The following FXR1 variants were observed in gnomAD, a reference collection of about 807,000 sequenced individuals.
FXR1 encodes RNA-binding protein FXR1.
Under a neutral mutation model 84.0 loss-of-function variants are expected in FXR1, and 15 were observed. The ratio of observed to expected loss-of-function variants is 0.18; its 90% CI spans 0.12 to 0.27. FXR1 has a LOEUF of 0.27. Ranked by LOEUF, FXR1 falls within the 10% of genes least tolerant of loss-of-function variation. The pLI is 1.00. For missense variants in FXR1, 480 were observed against 774.4 expected (o/e 0.62, Z 4.51); for synonymous variants, 245 against 250.7 (o/e 0.98, Z 0.21).
chr3:180,955,962 A>G (rs557328156), intron 9 of FXR1, among the ~76,000 whole-genome samples: 1 of 152,334 alleles, frequency 6.6e-6, no homozygotes, highest in South Asian at 2.1e-4. Context: ...CACTGGTGAA[A>G]TACTCAGGAG....
rs1219700118 is a variant in FXR1 at position 180,968,204 on chromosome 3, G to T, written c.1352G>T (p.Gly451Val). ...RPGGRGRSVS[G>V]GRGRGGPRGG... ...GGAGGAAGAGGCAGAAGTGTTTCAGGGGGTCGAGGTCGTGGTGGACCACGT... is the reference window on the plus strand; with the variant it reads ...GGAGGAAGAGGCAGAAGTGTTTCAGTGGGTCGAGGTCGTGGTGGACCACGT... The change falls in exon 14 of 17, where the codon GGG (glycine) becomes GTG (valine). Residue 451 changes from glycine (G) to valine (V), a missense_variant. Physicochemically the swap from Gly to Val is moderately radical, Grantham distance 109. Coordinates refer to ENST00000357559, the MANE Select transcript of FXR1 (RefSeq NM_005087.4). 6.2e-7 allele frequency: 1 copy of T among 1,613,834 alleles called. No homozygotes were observed. The highest frequency in any genetic ancestry group is 8.5e-7 in the Non-Finnish European group (1 of 1,179,842).
At chr3:180,931,806 T>TCG (rs1719945300) in intron 1 of FXR1, among the ~76,000 whole-genome samples, 2 of 143,716 alleles carry the variant, frequency 1.4e-5, no homozygotes, top group Non-Finnish European at 3.0e-5. Context: ...AGCAGCATGG[T>TCG]TATGGCTCAC....
chr3:180,926,502 A>ATTTTTTTT (rs200360717), intron 1 of FXR1, among the ~76,000 whole-genome samples: 2 of 48,958 alleles, frequency 4.1e-5, no homozygotes, highest in African/African-American at 1.9e-4. Flanking sequence ...ATATATATAT[A>ATTTTTTTT]TATATTTTTT....
In FXR1 at chr3:180,976,295, TGAA is replaced by T. The variant is rs763651740; in HGVS notation, c.*8_*10del. ...CAGTCCTGAATGGTGTTTCATAAAC[TGAA>T]GAAGTTCCTAGTTTACAGTTCTTTT... On this transcript the variant is annotated 3_prime_UTR_variant, in exon 17 of 17. Transcript: ENST00000357559. 6.4e-7 allele frequency: 1 copy of T among 1,570,668 alleles called. No homozygotes were observed. The highest frequency in any genetic ancestry group is 1.4e-5 in the African/African-American group (1 of 72,864).
At position 180,951,467 on chromosome 3, in the gene FXR1, A is replaced by G; in HGVS notation, c.800A>G (p.Glu267Gly). 6.2e-7 allele frequency: 1 copy of G among 1,604,218 alleles called. No homozygotes were observed. Among genetic ancestry groups the G allele is most frequent in the Non-Finnish European group, 8.5e-7 (1 of 1,173,680 alleles). The change falls in exon 8 of 17, where the codon GAG (glutamate) becomes GGG (glycine). Residue 267 changes from glutamate (E) to glycine (G), a missense_variant and splice_region_variant. This residue lies in a region of FXR1 where 136 missense variants were observed against 315.4 expected (regional missense o/e 0.43). Coordinates refer to ENST00000357559, the MANE Select transcript of FXR1 (RefSeq NM_005087.4). ...ACTGGAACATTCAGAATCTACGGAG[A>G]GGTAAGTTCTCTTTCTCCTGCCTTG... ...EDTGTFRIYG[E>G]SADAVKKARG...
chr3:180,955,162 T>C (rs1028133418), intron 9 of FXR1, among the ~76,000 whole-genome samples: 14 of 151,776 alleles, frequency 9.2e-5, no homozygotes, highest in African/African-American at 3.4e-4. Flanking sequence ...GCCTGGCTAA[T>C]TTTTGTATTT....
At chr3:180,953,014 T>C (rs1722388729) in intron 8 of FXR1, among the ~76,000 whole-genome samples, 1 of 152,040 alleles carries the variant, frequency 6.6e-6, no homozygotes, top group Non-Finnish European at 1.5e-5. Flanking sequence ...AATATATATC[T>C]GTATATTTTG....
intron 1 of FXR1, chr3:180,915,622 C>T (rs1336294365): frequency 1.1e-5 from 8 of 751,468 alleles, no homozygotes; most frequent in South Asian, 2.9e-5. Flanking sequence ...GGTGGTTTTT[C>T]AATGTACAGG....
chr3:180,927,651 AT>A, intron 1 of FXR1: 1 of 557,804 alleles, frequency 1.8e-6, no homozygotes. Context: ...CCCACAGGCC[AT>A]TTAAGCACCC....
At chr3:180,954,832 C>T (rs1576970768) in intron 9 of FXR1, among the ~76,000 whole-genome samples, 1 of 139,324 alleles carries the variant, frequency 7.2e-6, no homozygotes, top group Admixed American at 7.3e-5. Context: ...TTGTATAAAA[C>T]AAACGTTAAT....
chr3:180,913,028 C>T (rs1030203525), intron 1 of FXR1, among the ~76,000 whole-genome samples: 2 of 152,240 alleles, frequency 1.3e-5, no homozygotes, highest in African/African-American at 4.8e-5. Context: ...AACTGAGTGG[C>T]TGCTGGGCGG....
At chr3:180,956,244 A>T (rs1722729896) in intron 9 of FXR1, among the ~76,000 whole-genome samples, 1 of 152,222 alleles carries the variant, frequency 6.6e-6, no homozygotes, top group Non-Finnish European at 1.5e-5. Flanking sequence ...AAAATGGTTC[A>T]AAACCTTTCA....
At chr3:180,953,992 G>A (rs1722491397) in intron 9 of FXR1, 152 bp downstream of exon 9, 1 of 551,454 alleles carries the variant, frequency 1.8e-6, no homozygotes, top group South Asian at 2.6e-5. Context: ...TTTTTTTGGT[G>A]ATAACATTTT....
At chr3:180,936,015 CT>C (rs1720483958) in intron 3 of FXR1, among the ~76,000 whole-genome samples, 1 of 152,150 alleles carries the variant, frequency 6.6e-6, no homozygotes, top group Non-Finnish European at 1.5e-5. Context: ...CCTCAGCCTC[CT>C]GAATAGCTGG....
rs1198639517 is a variant in FXR1, at chr3:180,968,216, G to A, written c.1364G>A (p.Arg455His). 3.1e-6 allele frequency: 5 copies of A among 1,613,076 alleles called. No individual in the cohort carries two copies. The highest frequency in any genetic ancestry group is 1.3e-5 in the African/African-American group (1 of 74,918). Residue 455 changes from arginine (R) to histidine (H), a missense_variant, in exon 14 of 17, where the codon CGT becomes CAT. By Grantham distance (29) the Arg-to-His change is conservative. Coordinates refer to ENST00000357559, the MANE Select transcript of FXR1 (RefSeq NM_005087.4). ...AGAAGTGTTTCAGGGGGTCGAGGTC[G>A]TGGTGGACCACGTGGTGGCAAATCC... ...RGRSVSGGRG[R>H]GGPRGGKSSI...
intron 9 of FXR1, 46 bp from the exon 10 acceptor site, chr3:180,957,773 G>C: frequency 1.2e-6 from 1 of 842,922 alleles, no homozygotes; most frequent in Non-Finnish European, 2.0e-6. Context: ...AAGAATAGCA[G>C]AATTGAGTTT....
chr3:180,934,858 TATG>T (rs1189879281), intron 2 of FXR1, among the ~76,000 whole-genome samples: 3 of 152,210 alleles, frequency 2.0e-5, no homozygotes, highest in Non-Finnish European at 4.4e-5. Flanking sequence ...GTATTGCTCT[TATG>T]ATGAGTAATT....
At chr3:180,952,959 A>C (rs1336111231) in intron 8 of FXR1, among the ~76,000 whole-genome samples, 1 of 151,656 alleles carries the variant, frequency 6.6e-6, no homozygotes, top group East Asian at 1.9e-4. Context: ...CAGCCTCTTG[A>C]ATAGCTAGGA....
chr3:180,953,549 T>C (rs915528024), intron 8 of FXR1, among the ~76,000 whole-genome samples: 3 of 152,232 alleles, frequency 2.0e-5, no homozygotes, highest in African/African-American at 7.2e-5. Context: ...TTGGTTTTAA[T>C]AGTACTGACT....
Sources: gnomAD v4.1 joint callset for allele counts (sites outside exome capture counted in the v4.1 genomes callset) on GRCh38, gnomAD v4.1.1 for gene constraint, gnomAD v4.1.1 regional missense constraint, MANE v1.5 for transcripts, NCBI Gene and HGNC (gene_info 2026-07-23, HGNC 2026-07-21) for gene names.